Variants in AMPD2 observed in about 807,000 individuals in gnomAD.
AMPD2 encodes AMP deaminase 2.
AMPD2 carries 52 observed loss-of-function variants against 91.3 expected under a neutral mutation model. That is an observed-to-expected ratio of 0.57 (90% confidence interval 0.46 to 0.72). The LOEUF (loss-of-function observed/expected upper bound fraction) is 0.72. AMPD2 is among the 30% of genes least tolerant of loss of function. AMPD2 has a pLI of 0.00. For synonymous variants in AMPD2, 455 were observed against 456.4 expected (o/e 1.00, Z 0.04); for missense variants, 822 against 1,122.3 (o/e 0.73, Z 3.82).
chr1:109,626,436 G>A lies in AMPD2; in HGVS notation c.531+9G>A, dbSNP rs1650693465. On this transcript the variant is annotated intron_variant, in intron 6 of 18. Coordinates refer to ENST00000528667, the MANE Select transcript of AMPD2 (RefSeq NM_001368809.2). ...GGGAGGAGAAGTGTGGGGTAAGTAT[G>A]GGGTGTATGTTGGGTGAGTCGCCAT... 2 of 1,601,494 alleles carry A rather than the reference G, an allele frequency of 1.2e-6. No individual in the cohort carries two copies. The highest frequency in any genetic ancestry group is 2.2e-5 in the South Asian group (2 of 89,728).
chr1:109,626,718 A>C lies in AMPD2; in HGVS notation c.532-8A>C, dbSNP rs773453238. ...CTGAGGAGAGTGATCGCATATCCTC[A>C]TCTCCAGGTGCCGTTCACAGACCTG... is the stretch of plus-strand genomic sequence containing the variant. On this transcript the variant is annotated splice_polypyrimidine_tract_variant and splice_region_variant and intron_variant, in intron 6 of 18. Coordinates refer to ENST00000528667, the MANE Select transcript of AMPD2 (RefSeq NM_001368809.2). 2 of 1,610,552 alleles carry C rather than the reference A, an allele frequency of 1.2e-6. No homozygotes were observed. Among genetic ancestry groups the C allele is most frequent in the Admixed American group, 3.4e-5 (2 of 59,666 alleles).
chr1:109,628,534 G>A lies in AMPD2; in HGVS notation c.1407+39G>A. 6.2e-7 allele frequency: 1 copy of A among 1,612,342 alleles called. No homozygotes were observed. The highest frequency in any genetic ancestry group is 8.5e-7 in the Non-Finnish European group (1 of 1,179,806). On this transcript the variant is annotated intron_variant, in intron 12 of 18. Transcript: ENST00000528667. The surrounding 1 kb of genome is among the most constrained non-coding windows in gnomAD (Gnocchi z 7.1). ...CTTCCCTGCCAAGCCTCGAGCCTGA[G>A]GATCTGGGGGCTTTTAGGGGGTGAG...
At chr1:109,621,538 C>T (rs1650275202) in intron 2 of AMPD2, 1 of 576,948 alleles carries the variant, frequency 1.7e-6, no homozygotes, top group Non-Finnish European at 3.1e-6. Context: ...TGTGTATGCA[C>T]ACGTGTCAGC....
chr1:109,620,826 G>A, intron 1 of AMPD2, 88 bp from the exon 2 acceptor site: 1 of 1,388,336 alleles, frequency 7.2e-7, no homozygotes. Flanking sequence ...GCATGATGGG[G>A]TGAGGGCTCT....
intron 2 of AMPD2, chr1:109,621,565 A>G: frequency 1.9e-6 from 1 of 534,608 alleles, no homozygotes; most frequent in Non-Finnish European, 3.4e-6. Context: ...ATGTGCTAAG[A>G]CTGCGTGTGA....
At chr1:109,627,050 G>GCT in intron 7 of AMPD2, 125 bp from the exon 8 acceptor site, 1 of 1,551,180 alleles carries the variant, frequency 6.4e-7, no homozygotes, top group Admixed American at 1.8e-5. Context: ...CAGGGGTGGA[G>GCT]GTTGGGCAGG....
chr1:109,621,898 C>A (rs1311826791), intron 2 of AMPD2, among the ~76,000 whole-genome samples: 1 of 152,240 alleles, frequency 6.6e-6, no homozygotes, highest in Non-Finnish European at 1.5e-5. Flanking sequence ...GCTGCCCGCA[C>A]TGTGTGTGCT....
At position 109,627,320 on chromosome 1, in the gene AMPD2, A is replaced by G. The variant is rs753925422; in HGVS notation, c.860+4A>G. On this transcript the variant is annotated splice_donor_region_variant and intron_variant, in intron 8 of 18. Transcript: ENST00000528667. ...CCCGCAGGGAACCCGACGAGCAGTA[A>G]GAGGGGTGTGGTGCATGTTGGGGGG... 1.9e-6 allele frequency: 3 copies of G among 1,605,312 alleles called. No homozygotes were observed. The highest frequency in any genetic ancestry group is 2.6e-6 in the Non-Finnish European group (3 of 1,173,976).
chr1:109,629,609 G>T, intron 15 of AMPD2, 119 bp downstream of exon 15: 1 of 1,469,022 alleles, frequency 6.8e-7, no homozygotes, highest in Non-Finnish European at 9.3e-7. Flanking sequence ...GACTGGATGG[G>T]TTCTTTCTCT....
Position 109,627,903 on chromosome 1 carries a change from G to C in AMPD2, c.1080G>C (p.Lys360Asn). 1 of 1,613,942 alleles carries C rather than the reference G, an allele frequency of 6.2e-7. No individual in the cohort carries two copies. Residue 360 changes from lysine (K) to asparagine (N), a missense_variant and splice_region_variant, in exon 10 of 19, where the codon AAG becomes AAC. Around this residue, in one of 5 missense-constraint regions of AMPD2, gnomAD observed 37 missense variants for 84.8 expected, o/e 0.44. Coordinates refer to ENST00000528667, the MANE Select transcript of AMPD2 (RefSeq NM_001368809.2). ...VPHRDFYNIR[K>N]VDTHIHASSC... ...ACCGAGATTTCTACAACATCCGCAA[G>C]GTGGGCCCTCACCCCGTGGCCGTCT...
Position 109,627,490 on chromosome 1 carries a change from C to A in AMPD2, c.922C>A (p.Leu308Met), listed in dbSNP as rs1650807872. 3.7e-6 allele frequency: 6 copies of A among 1,613,966 alleles called. No homozygotes were observed. The African/African-American group carries it at 8.0e-5, about 22-fold the overall frequency. The change falls in exon 9 of 19, where the codon CTG becomes ATG. Residue 308 changes from leucine (L) to methionine (M), a missense_variant. This residue lies in a region of AMPD2 where 240 missense variants were observed against 270.3 expected (regional missense o/e 0.89). Transcript: ENST00000528667. ...LQEFVADVNV[L>M]MALIINGPIK... is the part of the protein sequence containing the mutation. Reference sequence around the variant, plus strand: ...GGAATTTGTGGCTGACGTCAATGTGCTGATGGCCCTGATTATCAATGGCCC... The same window carrying A: ...GGAATTTGTGGCTGACGTCAATGTGATGATGGCCCTGATTATCAATGGCCC...
chr1:109,622,199 G>A (rs993698806), intron 2 of AMPD2: 4 of 456,252 alleles, frequency 8.8e-6, no homozygotes, highest in Non-Finnish European at 1.8e-5. Context: ...CTGGTGCAAG[G>A]TCTCTACTGT....
At chr1:109,622,253 G>C in intron 2 of AMPD2, 1 of 456,308 alleles carries the variant, frequency 2.2e-6, no homozygotes, top group Non-Finnish European at 4.4e-6. Context: ...ATCCAGAAAG[G>C]GTGTCCCCTG....
chr1:109,628,760 G>C lies in AMPD2; in HGVS notation c.1525G>C (p.Val509Leu), dbSNP rs754051380. Residue 509 changes from valine to leucine, a missense_variant, in exon 13 of 19, where the codon GTG becomes CTG. By Grantham distance (32) the Val-to-Leu change is conservative (BLOSUM62 1). Coordinates refer to ENST00000528667, the MANE Select transcript of AMPD2 (RefSeq NM_001368809.2). The surrounding 1 kb of genome is among the most constrained non-coding windows in gnomAD (Gnocchi z 7.1). ...KLARWAVMHR[V>L]HSPNVRWLVQ... ...GGCGCGCTGGGCCGTCATGCACCGC[G>C]TGCACTCCCCCAACGTGCGCTGGCT... 4 of 1,589,116 alleles carry C rather than the reference G, an allele frequency of 2.5e-6. No individual in the cohort carries two copies. Among genetic ancestry groups the C allele is most frequent in the African/African-American group, 1.3e-5 (1 of 74,222 alleles).
Position 109,625,961 on chromosome 1 carries a change from G to A in AMPD2, c.353+169G>A, listed in dbSNP as rs1422963562. 8.3e-6 allele frequency: 10 copies of A among 1,201,134 alleles called. No homozygotes were observed. The South Asian group carries it at 1.0e-4, about 12-fold the overall frequency. 74.4% of individuals were successfully genotyped at this position (1,201,134 alleles called of 1,614,324 possible). A position where few individuals can be genotyped will look rare whatever the true frequency, so the allele number is the denominator to read the frequency against. On this transcript the variant is annotated intron_variant, in intron 4 of 18. Transcript: ENST00000528667. The surrounding 1 kb of genome is among the most constrained non-coding windows in gnomAD (Gnocchi z 4.0). ...GTTCTGTTCTGTCTTCTAGCCGCCGGTGTGGCTGGGTCATGTTGCTTAACT... is the reference window on the plus strand; with the variant it reads ...GTTCTGTTCTGTCTTCTAGCCGCCGATGTGGCTGGGTCATGTTGCTTAACT...
chr1:109,630,950 G>C lies in AMPD2; in HGVS notation c.2276G>C (p.Ser759Thr). Reference sequence around the variant, plus strand: ...TACCCCCGCTCCTTGCAGGTAAAGAGCCACTGGCTGGGACCCAACTATACC... The same window carrying C: ...TACCCCCGCTCCTTGCAGGTAAAGACCCACTGGCTGGGACCCAACTATACC... ...LMSGFSHKVK[S>T]HWLGPNYTKE... Residue 759 changes from serine to threonine, a missense_variant, in exon 19 of 19, where the codon AGC becomes ACC. Ser to Thr is a moderately conservative substitution (Grantham distance 58). This residue lies in a region of AMPD2 where 430 missense variants were observed against 606.0 expected (regional missense o/e 0.71). Transcript: ENST00000528667. 3 of 1,614,096 alleles carry C rather than the reference G, an allele frequency of 1.9e-6. No homozygotes were observed. The highest frequency in any genetic ancestry group is 2.5e-6 in the Non-Finnish European group (3 of 1,180,012).
In AMPD2 at chr1:109,628,825, G is replaced by A. The variant is rs755158850; in HGVS notation, c.1571+19G>A. The A allele has an allele frequency of 1.4e-5, 22 of 1,550,188 alleles. No homozygotes were observed. The highest frequency in any genetic ancestry group is 1.9e-4 in the Middle Eastern group (1 of 5,186). Reference sequence around the variant, plus strand: ...GCCTCTTGTGAGTGTCCCTGGAGTGGGAGGGGAACCTGCGGGGTCATATTC... The same window carrying A: ...GCCTCTTGTGAGTGTCCCTGGAGTGAGAGGGGAACCTGCGGGGTCATATTC... On this transcript the variant is annotated intron_variant, in intron 13 of 18. Coordinates refer to ENST00000528667, the MANE Select transcript of AMPD2 (RefSeq NM_001368809.2). This position sits in a 1 kb window ranked among gnomAD's most constrained non-coding sequence, Gnocchi z 7.1.
intron 16 of AMPD2, 38 bp downstream of exon 16, chr1:109,629,954 TC>T: frequency 6.4e-7 from 1 of 1,568,526 alleles, no homozygotes; most frequent in Non-Finnish European, 8.7e-7. Flanking sequence ...TCCCAATTGT[TC>T]ACCTTCCTCT....
At chr1:109,621,594 G>A (rs912210365) in intron 2 of AMPD2, among the ~76,000 whole-genome samples, 2 of 152,210 alleles carry the variant, frequency 1.3e-5, no homozygotes, top group Non-Finnish European at 2.9e-5. Context: ...TGAATGGAGC[G>A]GGGGTGTGTG....
Sources: allele counts gnomAD v4.1 joint callset (sites outside exome capture counted in the v4.1 genomes callset), GRCh38; gene constraint gnomAD v4.1.1; regional missense constraint gnomAD v4.1.1; non-coding constraint Gnocchi (gnomAD v3.1); transcripts MANE v1.5; gene names NCBI Gene and HGNC (gene_info 2026-07-23, HGNC 2026-07-21).